The following DHX32 variants were observed in gnomAD, a reference collection of about 807,000 sequenced individuals.
The protein encoded by DHX32 is putative pre-mRNA-splicing factor ATP-dependent RNA helicase DHX32.
Under a neutral mutation model 70.0 loss-of-function variants are expected in DHX32, and 51 were observed. The observed-to-expected ratio is 0.73, with a 90% CI of 0.58 to 0.92. The LOEUF is 0.92. Among genes scored for constraint, DHX32 ranks in the 40% least tolerant of loss-of-function variants. The probability of loss-of-function intolerance (pLI) is 0.00; values close to 1 mark genes in which losing one functional copy is unlikely to be tolerated. For missense variants in DHX32, 762 were observed against 891.8 expected, an observed-to-expected ratio of 0.85 and a Z score of 1.85; for synonymous variants, 310 against 315.3, an observed-to-expected ratio of 0.98 and a Z score of 0.18.
intron 8 of DHX32, among the ~76,000 whole-genome samples, chr10:125,839,974 CTT>C (rs1854825771): frequency 6.6e-6 from 1 of 152,226 alleles, no homozygotes; most frequent in African/African-American, 2.4e-5. Context: ...CCACTGACAA[CTT>C]TTTCTTCTCA....
chr10:125,847,248 G>T (rs1944033662), intron 6 of DHX32, among the ~76,000 whole-genome samples: 2 of 151,946 alleles, frequency 1.3e-5, no homozygotes, highest in South Asian at 4.2e-4. Context: ...GGGAGGGAGG[G>T]GAACCTAGAG....
intron 6 of DHX32, among the ~76,000 whole-genome samples, chr10:125,848,697 A>G (rs1944054202): frequency 6.6e-6 from 1 of 152,096 alleles, no homozygotes; most frequent in African/African-American, 2.4e-5. Flanking sequence ...TCTCACACCC[A>G]TTAAAACTGC....
chr10:125,891,914 A>G (rs1283734357), intron 1 of DHX32, among the ~76,000 whole-genome samples: 3 of 152,160 alleles, frequency 2.0e-5, no homozygotes, highest in Admixed American at 6.5e-5. Flanking sequence ...CTTATTCCAC[A>G]TAATATCCCT....
intron 1 of DHX32, among the ~76,000 whole-genome samples, chr10:125,875,736 T>C (rs572052049): frequency 6.6e-6 from 1 of 152,324 alleles, no homozygotes; most frequent in South Asian, 2.1e-4. Context: ...AAAATTATGA[T>C]GGTGAAGGAG....
intron 6 of DHX32, chr10:125,842,709 G>A (rs1321453433): frequency 3.9e-6 from 2 of 514,882 alleles, no homozygotes; most frequent in Non-Finnish European, 5.0e-6. Flanking sequence ...ATAATACAGA[G>A]AAAAATTAAT....
At chr10:125,880,422 G>T in intron 1 of DHX32, 121 bp downstream of exon 1, 2 of 1,038,214 alleles carry the variant, frequency 1.9e-6, no homozygotes, top group South Asian at 2.0e-5. Context: ...TATTTTATCT[G>T]AATAATGTTT....
chr10:125,884,574 T>A (rs766986894), upstream of DHX32, among the ~76,000 whole-genome samples: 4 of 152,172 alleles, frequency 2.6e-5, no homozygotes, highest in Non-Finnish European at 5.9e-5. Flanking sequence ...ATAATACATA[T>A]CTAATTAACA....
At position 125,838,203 on chromosome 10, in the gene DHX32, T is replaced by C; in HGVS notation, c.2063+3A>G. 1 of 1,576,076 alleles carries C rather than the reference T, an allele frequency of 6.3e-7. No individual in the cohort carries two copies. The highest frequency in any genetic ancestry group is 8.6e-7 in the Non-Finnish European group (1 of 1,167,678). Reference sequence around the variant, plus strand: ...ACAACCCTTTCTTCTCCATTAAACTTACAGTTCAGGAGAGATTTCTGAGGT... The same window carrying C: ...ACAACCCTTTCTTCTCCATTAAACTCACAGTTCAGGAGAGATTTCTGAGGT... On this transcript the variant is annotated splice_donor_region_variant and intron_variant, in intron 10 of 10. Transcript: ENST00000284690.
chr10:125,876,269 G>A (rs1431009665), intron 1 of DHX32, among the ~76,000 whole-genome samples: 1 of 152,218 alleles, frequency 6.6e-6, no homozygotes, highest in African/African-American at 2.4e-5. Context: ...GCTGATTGGA[G>A]TAATAGTACA....
chr10:125,889,465 C>A (rs61871862), intron 1 of DHX32, among the ~76,000 whole-genome samples: 1 of 152,154 alleles, frequency 6.6e-6, no homozygotes, highest in Non-Finnish European at 1.5e-5. Context: ...ACTGGTCCAA[C>A]ACTCCACGTC....
chr10:125,846,294 C>T (rs970398077), intron 6 of DHX32, among the ~76,000 whole-genome samples: 1 of 152,114 alleles, frequency 6.6e-6, no homozygotes, highest in African/African-American at 2.4e-5. Flanking sequence ...CAAGAGTTGG[C>T]ACTGTAGTTA....
chr10:125,863,788 A>G lies in DHX32; in HGVS notation c.476+3202T>C, dbSNP rs534678994. ...GTTAAATCCTCTGATTTAAATAGCT[A>G]TTCAATCTGAGCTTATTCAAAATTA... On this transcript the variant is annotated intron_variant, in intron 2 of 10. Transcript: ENST00000284690. 4.6e-5 allele frequency among the ~76,000 whole-genome samples: 7 copies of G among 152,318 alleles called. No individual in the cohort carries two copies. The South Asian group carries it at 1.2e-3, about 27-fold the overall frequency.
At chr10:125,884,073 G>T (rs916476946), upstream of DHX32, among the ~76,000 whole-genome samples, 2 of 152,170 alleles carry the variant, frequency 1.3e-5, no homozygotes, top group African/African-American at 4.8e-5. Context: ...GCAAAACTAT[G>T]ACATTTATAG....
intron 8 of DHX32, among the ~76,000 whole-genome samples, chr10:125,840,598 T>C (rs958778328): frequency 6.6e-6 from 1 of 152,248 alleles, no homozygotes; most frequent in African/African-American, 2.4e-5. Context: ...GAAGGCTGGC[T>C]GAGTGGAGTC....
At chr10:125,843,849 T>C (rs1263880002) in intron 6 of DHX32, among the ~76,000 whole-genome samples, 1 of 152,174 alleles carries the variant, frequency 6.6e-6, no homozygotes. Context: ...GAGGGGGCAG[T>C]GCCAAACCAC....
Position 125,867,199 on chromosome 10 carries a change from A to G in DHX32, c.283-16T>C. The G allele has an allele frequency of 6.3e-7, 1 of 1,582,178 alleles. No homozygotes were observed. Among genetic ancestry groups the G allele is most frequent in the African/African-American group, 1.3e-5 (1 of 74,346 alleles). Reference sequence around the variant, plus strand: ...ACTGAGGAACCTGTAGCAGGAAAAAATGAGACAGGATCAGCTTCTGCTGAA... The same window carrying G: ...ACTGAGGAACCTGTAGCAGGAAAAAGTGAGACAGGATCAGCTTCTGCTGAA... On this transcript the variant is annotated splice_polypyrimidine_tract_variant and intron_variant, in intron 1 of 10. Transcript: ENST00000284690.
chr10:125,846,999 A>G (rs1944030373), intron 6 of DHX32, among the ~76,000 whole-genome samples: 1 of 152,200 alleles, frequency 6.6e-6, no homozygotes, highest in Admixed American at 6.5e-5. Flanking sequence ...AGAGAAATGC[A>G]GTTATCACTT....
In DHX32 at chr10:125,894,241, G is replaced by C. The variant is rs1257535990; in HGVS notation, c.-248+1977C>G. Reference sequence around the variant, plus strand: ...TTCATCCCCCACCCCTATCTCATTAGCAACTTTCTGATCTCGGGTGTTTTC... The same window carrying C: ...TTCATCCCCCACCCCTATCTCATTACCAACTTTCTGATCTCGGGTGTTTTC... On this transcript the variant is annotated intron_variant, in intron 1 of 2. Coordinates refer to the DHX32 transcript ENST00000415732. Among the ~76,000 whole-genome samples, 7 of 152,092 alleles carry C rather than the reference G, an allele frequency of 4.6e-5. No homozygotes were observed. In the South Asian group the frequency reaches 1.2e-3, roughly 27 times the overall value.
intron 1 of DHX32, among the ~76,000 whole-genome samples, chr10:125,868,377 T>G (rs1022971299): frequency 6.6e-6 from 1 of 152,246 alleles, no homozygotes; most frequent in African/African-American, 2.4e-5. Flanking sequence ...GTAAAATTTC[T>G]AATTATCTTG....
Sources: allele counts gnomAD v4.1 joint callset (sites outside exome capture counted in the v4.1 genomes callset), GRCh38; gene constraint gnomAD v4.1.1; transcripts MANE v1.5; gene names NCBI Gene and HGNC (gene_info 2026-07-23, HGNC 2026-07-21).